The following CCDC81 variants were observed in gnomAD, a reference collection of about 807,000 sequenced individuals.
CCDC81 encodes the protein coiled-coil domain-containing protein 81.
CCDC81 carries 79 observed loss-of-function variants against 83.7 expected under a neutral mutation model. That is an observed-to-expected ratio of 0.94 (90% CI 0.79 to 1.14). CCDC81 has a LOEUF of 1.14. Ranked by LOEUF, CCDC81 falls within the 50% of genes most tolerant of loss-of-function variation. The probability of loss-of-function intolerance (pLI) is 0.00; values close to 1 mark genes in which losing one functional copy is unlikely to be tolerated. For synonymous variants in CCDC81, 252 were observed against 278.1 expected (o/e 0.91, Z 0.93); for missense variants, 791 against 778.1 (o/e 1.02, Z -0.20).
intron 11 of CCDC81, among the ~76,000 whole-genome samples, chr11:86,413,905 A>G (rs1411525871): frequency 2.0e-5 from 3 of 152,158 alleles, no homozygotes; most frequent in Non-Finnish European, 2.9e-5. Flanking sequence ...TGCTGCTGAG[A>G]TTGGGAGAGC....
rs746985338 is a variant in CCDC81, at chr11:86,419,937, A to T, written c.1701A>T (p.Ala567=). 1 of 1,612,376 alleles carries T rather than the reference A, an allele frequency of 6.2e-7. No individual in the cohort carries two copies. Among genetic ancestry groups the T allele is most frequent in the South Asian group, 1.1e-5 (1 of 90,666 alleles). Residue 567 remains alanine, a synonymous_variant, in exon 14 of 15, where the codon GCA becomes GCT. Transcript: ENST00000445632. ...GTTCTTTTCTCTCCAGGCACTTGGC[A>T]GACAGAACCGCTGAGCTGGAGCGAG... ...MLQRTQREHL[A]DRTAELERVN...
In CCDC81 at chr11:86,386,065, TG is replaced by T. The variant is rs1565758547; in HGVS notation, c.99del (p.Asn34MetfsTer6). 1 of 1,526,536 alleles carries T rather than the reference TG, an allele frequency of 6.6e-7. No homozygotes were observed. Among genetic ancestry groups the T allele is most frequent in the Non-Finnish European group, 8.9e-7 (1 of 1,123,958 alleles). The allele number at this position is 1,526,536 out of a possible 1,614,324, so 94.6% of individuals were successfully genotyped here. A position where few individuals can be genotyped will look rare whatever the true frequency, so the allele number is the denominator to read the frequency against. ...SLSQEEVSIIWGNVSEFVRRQ... is the reference protein window; with the variant it reads ...SLSQEEVSIIXGNVSEFVRRQ... ...TTGAATTTCAGAAGTCTCTATTATC[TG>T]GGGGAATGTATCAGAATTTGTGAGA... On this transcript the variant is annotated frameshift_variant, in exon 2 of 15. Transcript: ENST00000445632. LOFTEE classifies it high-confidence loss of function.
rs1197692871 is a variant in CCDC81 at position 86,387,687 on chromosome 11, T to C, written c.298+15T>C. ...ATATACTCCTGGTAAATAATTCTGA[T>C]ATGTAGGATTTTCCCAGAAGGTTAC... On this transcript the variant is annotated intron_variant, in intron 3 of 14. Coordinates refer to ENST00000445632, the MANE Select transcript of CCDC81 (RefSeq NM_001156474.2). The C allele has an allele frequency of 1.3e-6, 2 of 1,567,482 alleles. No homozygotes were observed. The highest frequency in any genetic ancestry group is 1.7e-6 in the Non-Finnish European group (2 of 1,145,982).
At position 86,412,533 on chromosome 11, in the gene CCDC81, C is replaced by A. The variant is rs1448444904; in HGVS notation, c.1365C>A (p.Arg455=). 1.9e-6 allele frequency: 3 copies of A among 1,611,000 alleles called. No individual in the cohort carries two copies. Among genetic ancestry groups the A allele is most frequent in the Admixed American group, 3.4e-5 (2 of 59,210 alleles). Residue 455 remains arginine, a synonymous_variant, in exon 11 of 15, where the codon CGC becomes CGA. Coordinates refer to ENST00000445632, the MANE Select transcript of CCDC81 (RefSeq NM_001156474.2). ...KQRQYRELMD[R]LEQVQLTEEL... Reference sequence around the variant, plus strand: ...GACAATACAGAGAGTTGATGGACCGCCTGGAACAAGTGCAACTCACAGAGG... The same window carrying A: ...GACAATACAGAGAGTTGATGGACCGACTGGAACAAGTGCAACTCACAGAGG...
In CCDC81 at chr11:86,423,039, T is replaced by C. The variant is rs1423692636; in HGVS notation, c.*324T>C. 1.2e-5 allele frequency: 3 copies of C among 256,424 alleles called. No homozygotes were observed. Among genetic ancestry groups the C allele is most frequent in the Non-Finnish European group, 2.2e-5 (3 of 134,416 alleles). The allele number at this position is 256,424 out of a possible 1,614,324, so 15.9% of individuals were successfully genotyped here. A position where few individuals can be genotyped will look rare whatever the true frequency, so the allele number is the denominator to read the frequency against. ...CTGACCCAGCCCTGCTGCTGCTCCA[T>C]GACTTTGTGTACAAAACTTTTTTCA... On this transcript the variant is annotated 3_prime_UTR_variant, in exon 15 of 15. Transcript: ENST00000445632.
At chr11:86,403,013 ATTTTT>A (rs545083032) in intron 7 of CCDC81, among the ~76,000 whole-genome samples, 11,369 of 112,384 alleles carry the variant, frequency 0.1, 804 homozygotes, top group African/African-American at 0.24. Flanking sequence ...TAATTTTTTG[ATTTTT>A]TTTTTTTTTT....
chr11:86,383,770 C>G (rs1382788390), intron 1 of CCDC81, among the ~76,000 whole-genome samples: 1 of 152,236 alleles, frequency 6.6e-6, no homozygotes, highest in South Asian at 2.1e-4. Flanking sequence ...AAATTACAGT[C>G]TGTAAGCTTT....
At chr11:86,420,896 A>G (rs561503206) in intron 14 of CCDC81, among the ~76,000 whole-genome samples, 13 of 152,294 alleles carry the variant, frequency 8.5e-5, no homozygotes, top group African/African-American at 3.1e-4. Flanking sequence ...AAAGGAGAGG[A>G]AAGGGCAGTT....
chr11:86,398,719 C>T (rs539853200), intron 6 of CCDC81, among the ~76,000 whole-genome samples: 8 of 152,082 alleles, frequency 5.3e-5, no homozygotes, highest in East Asian at 3.9e-4. Flanking sequence ...ACTACAGGCG[C>T]GCACCACCAC....
chr11:86,407,767 G>A, intron 8 of CCDC81, 66 bp downstream of exon 8: 2 of 1,214,430 alleles, frequency 1.6e-6, no homozygotes, highest in Non-Finnish European at 1.2e-6. Flanking sequence ...CTCAAAGAGA[G>A]TTCTGGGAAT....
At chr11:86,412,356 G>A (rs1317144423) in intron 10 of CCDC81, 31 bp from the exon 11 acceptor site, 1 of 1,515,116 alleles carries the variant, frequency 6.6e-7, no homozygotes, top group East Asian at 2.3e-5. Flanking sequence ...CAGTACTCTA[G>A]CATAAATGAA....
At chr11:86,381,803 A>G (rs1010810617) in intron 1 of CCDC81, among the ~76,000 whole-genome samples, 1 of 152,334 alleles carries the variant, frequency 6.6e-6, no homozygotes, top group East Asian at 1.9e-4. Context: ...AGAACATTTA[A>G]TAGAGAGTAA....
chr11:86,396,460 T>C (rs1948410002), intron 5 of CCDC81, among the ~76,000 whole-genome samples: 1 of 152,068 alleles, frequency 6.6e-6, no homozygotes. Flanking sequence ...GTGGAGGAAG[T>C]TTGGGGAATA....
intron 1 of CCDC81, among the ~76,000 whole-genome samples, chr11:86,377,358 G>A (rs1035544429): frequency 1.3e-5 from 2 of 152,144 alleles, no homozygotes; most frequent in East Asian, 1.9e-4. Flanking sequence ...AGGATGTTTA[G>A]TTTTGTGAGA....
intron 6 of CCDC81, among the ~76,000 whole-genome samples, chr11:86,398,055 A>G (rs373635260): frequency 9.2e-5 from 14 of 152,164 alleles, no homozygotes; most frequent in Admixed American, 4.6e-4. Context: ...GGCTGGTCTC[A>G]AACTCCTGGC....
chr11:86,381,908 G>C (rs530716687), intron 1 of CCDC81, among the ~76,000 whole-genome samples: 2 of 152,314 alleles, frequency 1.3e-5, no homozygotes, highest in Admixed American at 6.5e-5. Flanking sequence ...ATGGATCAGA[G>C]AGGTAGAGAG....
At chr11:86,404,362 T>C (rs560425285) in intron 7 of CCDC81, among the ~76,000 whole-genome samples, 1 of 152,208 alleles carries the variant, frequency 6.6e-6, no homozygotes, top group Non-Finnish European at 1.5e-5. Flanking sequence ...GCTATGCCCA[T>C]CCATTTGCAT....
chr11:86,409,667 T>C (rs1593935402), intron 10 of CCDC81, among the ~76,000 whole-genome samples: 1 of 152,172 alleles, frequency 6.6e-6, no homozygotes, highest in Non-Finnish European at 1.5e-5. Flanking sequence ...GCCAGGCTGG[T>C]CTTGAACTCC....
intron 1 of CCDC81, among the ~76,000 whole-genome samples, chr11:86,383,382 TG>T (rs1448013256): frequency 8.5e-5 from 13 of 152,236 alleles, no homozygotes; most frequent in Non-Finnish European, 1.5e-4. Context: ...TTGACATTAA[TG>T]ACTTTTTCAA....
Sources: gnomAD v4.1 joint callset for allele counts (sites outside exome capture counted in the v4.1 genomes callset) on GRCh38, gnomAD v4.1.1 for gene constraint, MANE v1.5 for transcripts, NCBI Gene and HGNC (gene_info 2026-07-23, HGNC 2026-07-21) for gene names.